The following STXBP6 variants were observed in gnomAD, a reference collection of about 807,000 sequenced individuals.
STXBP6 encodes syntaxin binding protein 6, also known as syntaxin-binding protein 6.
STXBP6 carries 21 observed loss-of-function variants against 26.9 expected under a neutral mutation model. The ratio of observed to expected loss-of-function variants is 0.78; its 90% CI spans 0.55 to 1.12. The LOEUF is 1.12. STXBP6 is among the 50% of genes most tolerant of loss of function. The probability of loss-of-function intolerance (pLI) is 0.00; values close to 1 mark genes in which losing one functional copy is unlikely to be tolerated. For missense variants in STXBP6, 232 were observed against 257.9 expected (o/e 0.90, Z 0.69); for synonymous variants, 97 against 92.6 (o/e 1.05, Z -0.27).
chr14:24,823,243 G>A (rs1324785222), intron 4 of STXBP6, among the ~76,000 whole-genome samples: 3 of 152,088 alleles, frequency 2.0e-5, no homozygotes, highest in Admixed American at 1.3e-4. Context: ...AGAGCAACTG[G>A]AGATAAAGCT....
chr14:24,856,699 G>A (rs975519665), intron 3 of STXBP6, among the ~76,000 whole-genome samples: 1 of 149,590 alleles, frequency 6.7e-6, no homozygotes, highest in African/African-American at 2.4e-5. Context: ...AGATAAATGA[G>A]GTTTTGGTAA....
At chr14:24,859,735 T>C (rs2069464499) in intron 2 of STXBP6, among the ~76,000 whole-genome samples, 3 of 152,212 alleles carry the variant, frequency 2.0e-5, no homozygotes, top group Admixed American at 2.0e-4. Flanking sequence ...AAAGTCATTA[T>C]TTTGAATGAC....
At chr14:24,849,961 G>C (rs537728376) in intron 4 of STXBP6, among the ~76,000 whole-genome samples, 9 of 152,098 alleles carry the variant, frequency 5.9e-5, no homozygotes, top group Non-Finnish European at 1.3e-4. Flanking sequence ...AGCATGTGTA[G>C]GAGTGTGAGG....
intron 4 of STXBP6, among the ~76,000 whole-genome samples, chr14:24,828,273 T>C (rs1316659874): frequency 6.6e-6 from 1 of 152,124 alleles, no homozygotes; most frequent in East Asian, 1.9e-4. Context: ...AGGAGATCAC[T>C]GGGCAAGATC....
intron 2 of STXBP6, among the ~76,000 whole-genome samples, chr14:24,890,471 T>C (rs2070749860): frequency 6.6e-6 from 1 of 152,180 alleles, no homozygotes; most frequent in African/African-American, 2.4e-5. Flanking sequence ...GGATCATGCA[T>C]GAAATTAATT....
chr14:24,961,965 T>G (rs911437367), intron 2 of STXBP6, among the ~76,000 whole-genome samples: 2 of 152,206 alleles, frequency 1.3e-5, no homozygotes, highest in African/African-American at 4.8e-5. Flanking sequence ...CCATCCCTCA[T>G]CTAACACTAA....
chr14:24,834,059 G>A (rs575845334), intron 4 of STXBP6, among the ~76,000 whole-genome samples: 22 of 152,070 alleles, frequency 1.4e-4, no homozygotes, highest in Non-Finnish European at 2.8e-4. Flanking sequence ...GCAGTGGCAC[G>A]ATCATGGCTC....
chr14:24,934,970 T>C (rs553797461), intron 2 of STXBP6, among the ~76,000 whole-genome samples: 2 of 152,272 alleles, frequency 1.3e-5, no homozygotes, highest in South Asian at 2.1e-4. Flanking sequence ...ATAACATTAA[T>C]GCATCTCACA....
chr14:24,908,901 C>T (rs570706780), intron 2 of STXBP6, among the ~76,000 whole-genome samples: 4 of 152,268 alleles, frequency 2.6e-5, no homozygotes, highest in African/African-American at 7.2e-5. Context: ...CTCTAGATTA[C>T]ACAGCTCAAG....
At chr14:25,032,753 CAGA>C (rs1293610102) in intron 1 of STXBP6, among the ~76,000 whole-genome samples, 2 of 152,186 alleles carry the variant, frequency 1.3e-5, no homozygotes, top group African/African-American at 4.8e-5. Flanking sequence ...ACAGACACCT[CAGA>C]AGGTTAGTGT....
intron 1 of STXBP6, among the ~76,000 whole-genome samples, chr14:24,984,389 A>G (rs1413750894): frequency 2.6e-5 from 4 of 152,248 alleles, no homozygotes; most frequent in African/African-American, 9.6e-5. Flanking sequence ...ATACTCCAAC[A>G]TGACGTCTTC....
At chr14:24,858,295 G>C (rs1330495574) in intron 2 of STXBP6, among the ~76,000 whole-genome samples, 1 of 151,978 alleles carries the variant, frequency 6.6e-6, no homozygotes, top group Admixed American at 6.6e-5. Flanking sequence ...CATTGTCGGG[G>C]GCCATTAAAG....
At chr14:25,015,602 T>C (rs2075131464) in intron 1 of STXBP6, among the ~76,000 whole-genome samples, 1 of 152,194 alleles carries the variant, frequency 6.6e-6, no homozygotes. Flanking sequence ...GGAGCAAGTT[T>C]CAATTATTTC....
chr14:24,835,616 A>G (rs1008954896), intron 4 of STXBP6, among the ~76,000 whole-genome samples: 10 of 152,222 alleles, frequency 6.6e-5, no homozygotes, highest in Non-Finnish European at 4.4e-5. Context: ...AAAATGGAAT[A>G]TTATTTTTTA....
rs1043590097 is a variant in STXBP6 at position 24,843,235 on chromosome 14, T to C, written c.451+12701A>G. Among the ~76,000 whole-genome samples, 8 of 152,344 alleles carry C rather than the reference T, an allele frequency of 5.3e-5. 2 individuals are homozygous for C. The highest frequency in any genetic ancestry group is 3.9e-4 in the Admixed American group (6 of 15,302). ...TGCCTGGTATATAGTAGGGATTTAG[T>C]ATGGTGACTATCAGTGTTATTAGCA... On this transcript the variant is annotated intron_variant, in intron 4 of 5. Coordinates refer to ENST00000323944, the MANE Select transcript of STXBP6 (RefSeq NM_001394410.1).
In STXBP6 at chr14:24,989,314, A is replaced by T. The variant is rs534418570; in HGVS notation, c.-32-14464T>A. 9.8e-4 allele frequency among the ~76,000 whole-genome samples: 149 copies of T among 152,352 alleles called. 3 individuals are homozygous for T. In the South Asian group the frequency reaches 0.029, roughly 29 times the overall value. ...TGTAGATACTAAATTAATTAGCATG[A>T]TTGGGAAAGTTGTAAGAATATATTT... On this transcript the variant is annotated intron_variant, in intron 1 of 5. Transcript: ENST00000323944.
chr14:24,858,066 G>C (rs907910873), intron 2 of STXBP6, among the ~76,000 whole-genome samples: 1 of 152,152 alleles, frequency 6.6e-6, no homozygotes, highest in Non-Finnish European at 1.5e-5. Flanking sequence ...CTATATTGAA[G>C]ATGATCCTAA....
chr14:25,022,624 C>T (rs968926625), intron 1 of STXBP6, among the ~76,000 whole-genome samples: 26 of 152,328 alleles, frequency 1.7e-4, no homozygotes, highest in African/African-American at 5.3e-4. Context: ...ACATATGCTA[C>T]AGCAACTCAT....
At chr14:25,027,027 T>C (rs775863977) in intron 1 of STXBP6, among the ~76,000 whole-genome samples, 1 of 152,226 alleles carries the variant, frequency 6.6e-6, no homozygotes, top group Non-Finnish European at 1.5e-5. Context: ...GATTTCTAAA[T>C]GGCTTCCCAA....
Sources: allele counts gnomAD v4.1 joint callset (sites outside exome capture counted in the v4.1 genomes callset), GRCh38; gene constraint gnomAD v4.1.1; transcripts MANE v1.5; gene names NCBI Gene and HGNC (gene_info 2026-07-23, HGNC 2026-07-21).